PNPLA5: variants seen among roughly 807,000 people sequenced by gnomAD.
PNPLA5 encodes patatin like domain 5, triacylglycerol lipase.
Under a neutral mutation model 49.1 loss-of-function variants are expected in PNPLA5, and 44 were observed. The ratio of observed to expected loss-of-function variants is 0.90; its 90% confidence interval spans 0.70 to 1.15. PNPLA5 has a LOEUF of 1.15. Among genes scored for constraint, PNPLA5 ranks in the 50% most tolerant of loss-of-function variants. The pLI, the probability that PNPLA5 is intolerant of heterozygous loss-of-function variation, is 0.00. For synonymous variants in PNPLA5, 243 were observed against 244.4 expected, an observed-to-expected ratio of 0.99 and a Z score of 0.06; for missense variants, 603 against 564.0, an observed-to-expected ratio of 1.07 and a Z score of -0.70.
In PNPLA5 at chr22:43,891,840, A is replaced by G; in HGVS notation, c.41T>C (p.Phe14Ser). The G allele has an allele frequency of 6.6e-7, 1 of 1,521,684 alleles. No homozygotes were observed. Among genetic ancestry groups the G allele is most frequent in the Non-Finnish European group, 8.8e-7 (1 of 1,139,344 alleles). 94.3% of individuals were successfully genotyped at this position (1,521,684 alleles called of 1,614,324 possible). The change falls in exon 1 of 9, where the codon TTC becomes TCC. Residue 14 changes from phenylalanine (F) to serine (S), a missense_variant. Physicochemically the swap from Phe to Ser is radical, Grantham distance 155 (BLOSUM62 -2). Transcript: ENST00000216177. ...GGCGCCCAGGTAGCCGGCGCCGGAG[A>G]AGGACAGGTTCCATCTGCCCTCCTC... ...LEEEGRWNLS[F>S]SGAGYLGAHH...
At chr22:43,890,843 G>A (rs2049715130) in intron 2 of PNPLA5, among the ~76,000 whole-genome samples, 2 of 152,190 alleles carry the variant, frequency 1.3e-5, no homozygotes, top group Non-Finnish European at 1.5e-5. Flanking sequence ...GACTCTGCCG[G>A]GCCCCAGCCA....
At position 43,890,080 on chromosome 22, in the gene PNPLA5, G is replaced by T. The variant is rs749652814; in HGVS notation, c.427-216C>A. 32 of 985,300 alleles carry T rather than the reference G, an allele frequency of 3.2e-5. No individual in the cohort carries two copies. The Admixed American group carries it at 3.7e-4, about 11-fold the overall frequency. 61.0% of individuals were successfully genotyped at this position (985,300 alleles called of 1,614,324 possible). On this transcript the variant is annotated intron_variant, in intron 2 of 8. Coordinates refer to ENST00000216177, the MANE Select transcript of PNPLA5 (RefSeq NM_138814.4). Reference sequence around the variant, plus strand: ...TGACACCCACCTCCTCTTTCTGTGGGTGTGCAGGGAAGGAGGCCAGGTGCA... The same window carrying T: ...TGACACCCACCTCCTCTTTCTGTGGTTGTGCAGGGAAGGAGGCCAGGTGCA...
At chr22:43,889,978 C>A (rs915777640) in intron 2 of PNPLA5, 114 bp from the exon 3 acceptor site, 5 of 1,486,916 alleles carry the variant, frequency 3.4e-6, no homozygotes, top group East Asian at 2.6e-5. Flanking sequence ...ATCAGTCCCA[C>A]GTCCAGATGA....
rs1254889814 is a variant in PNPLA5, at chr22:43,880,303, G to C, written c.*492C>G. On this transcript the variant is annotated 3_prime_UTR_variant, in exon 9 of 9. Transcript: ENST00000216177. ...GACCTGATAGGAATTCAGAAGTCAA[G>C]GTTTCCTGAGTGGGGTAGATGCCGG... is the stretch of plus-strand genomic sequence containing the variant. 3 of 397,798 alleles carry C rather than the reference G, an allele frequency of 7.5e-6. No individual in the cohort carries two copies. Among genetic ancestry groups the C allele is most frequent in the East Asian group, 7.1e-5 (2 of 28,054 alleles). 24.6% of individuals were successfully genotyped at this position (397,798 alleles called of 1,614,324 possible).
intron 7 of PNPLA5, among the ~76,000 whole-genome samples, chr22:43,882,442 CCCCTA>C (rs1386869156): frequency 6.6e-6 from 1 of 152,228 alleles, no homozygotes; most frequent in Non-Finnish European, 1.5e-5. Flanking sequence ...CTTGGAGGGG[CCCCTA>C]CACCAGACCT....
chr22:43,882,109 TTC>T (rs1408796520), intron 7 of PNPLA5, among the ~76,000 whole-genome samples: 2 of 152,216 alleles, frequency 1.3e-5, no homozygotes, highest in East Asian at 1.9e-4. Context: ...CGCCGTCCAT[TTC>T]TCTCTCTTCT....
Position 43,891,215 on chromosome 22 carries a change from C to G in PNPLA5, c.273G>C (p.Ala91=). 1 of 1,577,498 alleles carries G rather than the reference C, an allele frequency of 6.3e-7. No homozygotes were observed. Among genetic ancestry groups the G allele is most frequent in the Non-Finnish European group, 8.6e-7 (1 of 1,158,078 alleles). Residue 91 remains alanine (A), a synonymous_variant, in exon 2 of 9, where the codon GCG becomes GCC. Transcript: ENST00000216177. ...LSLSILHPAY[A]PIEHVKQQLQ... The stretch of plus-strand genomic sequence containing the variant: ...GCTGCTGCTTGACGTGCTCGATGGG[C>G]GCGTAGGCCGGGTGCAGGATGCTTA...
At position 43,891,305 on chromosome 22, in the gene PNPLA5, G is replaced by A. The variant is rs746296633; in HGVS notation, c.194-11C>T. On this transcript the variant is annotated splice_polypyrimidine_tract_variant and intron_variant, in intron 1 of 8. Coordinates refer to ENST00000216177, the MANE Select transcript of PNPLA5 (RefSeq NM_138814.4). ...GGGAGCAGCAGAAGTCTGCAGTGGG[G>A]GCAGGGAAAGGGAGACCTCAGCGCC... 3.9e-6 allele frequency: 6 copies of A among 1,548,712 alleles called. No homozygotes were observed. In the South Asian group the frequency reaches 6.1e-5, roughly 16 times the overall value.
intron 5 of PNPLA5, 147 bp from the exon 6 acceptor site, chr22:43,886,635 T>C (rs1258277009): frequency 4.2e-6 from 6 of 1,419,962 alleles, no homozygotes; most frequent in African/African-American, 1.4e-5. Context: ...GATGACTCCC[T>C]TCTGCCTTCC....
chr22:43,884,942 G>A (rs79680222), intron 6 of PNPLA5, among the ~76,000 whole-genome samples: 1,805 of 152,256 alleles, frequency 0.012, 45 homozygotes, highest in African/African-American at 0.041. Flanking sequence ...CTCTGGAGAC[G>A]GAGGATTACA....
chr22:43,881,520 G>A, intron 8 of PNPLA5, 38 bp downstream of exon 8: 1 of 1,537,120 alleles, frequency 6.5e-7, no homozygotes. Context: ...CCCCAGCACA[G>A]CCACCCCCTC....
intron 4 of PNPLA5, 118 bp from the exon 5 acceptor site, chr22:43,887,769 C>T: frequency 6.6e-7 from 1 of 1,525,852 alleles, no homozygotes; most frequent in East Asian, 2.5e-5. Flanking sequence ...CCTATTCTCC[C>T]CAAGTGACCA....
At chr22:43,889,197 G>T in intron 4 of PNPLA5, 132 bp downstream of exon 4, 1 of 1,001,336 alleles carries the variant, frequency 1.0e-6, no homozygotes, top group Non-Finnish European at 1.5e-6. Context: ...GTGTTTGGCT[G>T]TGAGACTCGG....
intron 7 of PNPLA5, among the ~76,000 whole-genome samples, chr22:43,883,860 G>A (rs2049634528): frequency 6.6e-6 from 1 of 151,864 alleles, no homozygotes; most frequent in African/African-American, 2.4e-5. Flanking sequence ...AAAGAAACCT[G>A]TAGCCCAGAG....
chr22:43,890,107 G>T, intron 2 of PNPLA5: 1 of 984,560 alleles, frequency 1.0e-6, no homozygotes, highest in Non-Finnish European at 1.2e-6. Context: ...CCAGGTGCAG[G>T]CTCCTGAGGA....
chr22:43,890,107 G>C, intron 2 of PNPLA5: 2 of 984,560 alleles, frequency 2.0e-6, no homozygotes, highest in Non-Finnish European at 2.4e-6. Flanking sequence ...CCAGGTGCAG[G>C]CTCCTGAGGA....
In PNPLA5 at chr22:43,891,677, C is replaced by G. The variant is rs1174784924; in HGVS notation, c.193+11G>C. ...CCCCGCCCCTTTTCGCCCCCGCGGT[C>G]CGGGACTCACCGACCGACTTGCCGC... On this transcript the variant is annotated intron_variant, in intron 1 of 8. Transcript: ENST00000216177. 6.5e-7 allele frequency: 1 copy of G among 1,543,418 alleles called. No individual in the cohort carries two copies. Among genetic ancestry groups the G allele is most frequent in the Admixed American group, 2.1e-5 (1 of 48,634 alleles).
At chr22:43,880,961 C>T in intron 8 of PNPLA5, 76 bp from the exon 9 acceptor site, 2 of 1,273,484 alleles carry the variant, frequency 1.6e-6, no homozygotes, top group East Asian at 5.9e-5. Context: ...GGTGCAGGCG[C>T]AGCCACAGTG....
rs766290045 is a variant in PNPLA5 at position 43,891,250 on chromosome 22, G to C, written c.238C>G (p.Arg80Gly). 6.4e-7 allele frequency: 1 copy of C among 1,558,162 alleles called. No homozygotes were observed. Among genetic ancestry groups the C allele is most frequent in the East Asian group, 2.3e-5 (1 of 43,956 alleles). ...GGGTGCAGGATGCTTAGGCTCAGCCGCTCCAACTGCCCAACCATGCCCAGG... is the reference window on the plus strand; with the variant it reads ...GGGTGCAGGATGCTTAGGCTCAGCCCCTCCAACTGCCCAACCATGCCCAGG... ...HLLGMVGQLE[R>G]LSLSILHPAY... is the part of the protein sequence containing the mutation. The change falls in exon 2 of 9, where the codon CGG becomes GGG. Residue 80 changes from arginine to glycine, a missense_variant. Transcript: ENST00000216177.
Sources: allele counts gnomAD v4.1 joint callset (sites outside exome capture counted in the v4.1 genomes callset), GRCh38; gene constraint gnomAD v4.1.1; transcripts MANE v1.5; gene names NCBI Gene and HGNC (gene_info 2026-07-23, HGNC 2026-07-21).